SLC1A7: variants seen among roughly 807,000 people sequenced by gnomAD.
SLC1A7 encodes solute carrier family 1 member 7.
Under a neutral mutation model 47.7 loss-of-function variants are expected in SLC1A7, and 40 were observed. That is an observed-to-expected ratio of 0.84 (90% CI 0.65 to 1.09). The LOEUF is 1.09. SLC1A7 is among the 50% of genes least tolerant of loss of function. The pLI, the probability that SLC1A7 is intolerant of heterozygous loss-of-function variation, is 0.00. For synonymous variants in SLC1A7, 323 were observed against 325.6 expected (o/e 0.99, Z 0.09); for missense variants, 746 against 769.5 (o/e 0.97, Z 0.36).
At chr1:53,121,860 T>A (rs1629337) in intron 2 of SLC1A7, among the ~76,000 whole-genome samples, 155 of 152,306 alleles carry the variant, frequency 1.0e-3, no homozygotes, top group African/African-American at 3.7e-3. Flanking sequence ...GTGGGCCCCC[T>A]GCCTGTGGCT....
intron 2 of SLC1A7, among the ~76,000 whole-genome samples, chr1:53,127,471 C>T (rs1644895447): frequency 6.6e-6 from 1 of 152,128 alleles, no homozygotes; most frequent in Non-Finnish European, 1.5e-5. Context: ...GCTCTGGGGA[C>T]AGAGGAAGAG....
At chr1:53,095,636 C>T (rs774472338) in intron 5 of SLC1A7, among the ~76,000 whole-genome samples, 4 of 149,378 alleles carry the variant, frequency 2.7e-5, no homozygotes, top group Non-Finnish European at 4.4e-5. Context: ...CTTAAACCCG[C>T]CTCAGTACAC....
intron 8 of SLC1A7, 81 bp from the exon 9 acceptor site, chr1:53,090,015 A>G (rs1164569556): frequency 1.3e-6 from 2 of 1,503,442 alleles, no homozygotes; most frequent in African/African-American, 1.4e-5. Context: ...GAAGAGGTTG[A>G]GTGTCAGGGC....
chr1:53,122,330 T>C (rs1644835042), intron 2 of SLC1A7, among the ~76,000 whole-genome samples: 1 of 152,188 alleles, frequency 6.6e-6, no homozygotes, highest in South Asian at 2.1e-4. Flanking sequence ...AGCCAAGTCC[T>C]TGGGCTCTGG....
In SLC1A7 at chr1:53,087,742, G is replaced by A. The variant is rs1339923619; in HGVS notation, c.*267C>T. The stretch of plus-strand genomic sequence containing the variant: ...TGGGGCCGGATAACCCCTGCCTGCC[G>A]CCCTCACCGGGCTCACACCGGGGAA... On this transcript the variant is annotated 3_prime_UTR_variant, in exon 11 of 11. Coordinates refer to ENST00000371494, the MANE Select transcript of SLC1A7 (RefSeq NM_006671.6). 3.2e-5 allele frequency: 10 copies of A among 316,798 alleles called. No individual in the cohort carries two copies. Among genetic ancestry groups the A allele is most frequent in the Non-Finnish European group, 5.2e-5 (9 of 172,808 alleles). 19.6% of individuals were successfully genotyped at this position (316,798 alleles called of 1,614,324 possible). A position where few individuals can be genotyped will look rare whatever the true frequency, so the allele number is the denominator to read the frequency against.
chr1:53,129,476 A>G (rs879865622), intron 2 of SLC1A7, among the ~76,000 whole-genome samples: 198 of 117,798 alleles, frequency 1.7e-3, no homozygotes, highest in Middle Eastern at 5.2e-3. Context: ...TGAAGCCACC[A>G]CTGGTCAAGC....
intron 3 of SLC1A7, 161 bp downstream of exon 3, chr1:53,114,597 T>A (rs992034781): frequency 7.9e-5 from 50 of 631,850 alleles, no homozygotes; most frequent in African/African-American, 7.1e-4. Context: ...GGGCAGACGA[T>A]GCAGCATGAG....
At position 53,087,890 on chromosome 1, in the gene SLC1A7, AG is replaced by A; in HGVS notation, c.*118del. ...AAGCGGGGTTAATTCCAGCCTCTCA[AG>A]GGTGAGAAGAATGTGTGATCCTGGC... On this transcript the variant is annotated 3_prime_UTR_variant, in exon 11 of 11. Transcript: ENST00000371494. 1 of 502,694 alleles carries A rather than the reference AG, an allele frequency of 2.0e-6. No homozygotes were observed. The highest frequency in any genetic ancestry group is 3.4e-6 in the Non-Finnish European group (1 of 293,246). The allele number at this position is 502,694 out of a possible 1,614,324, so 31.1% of individuals were successfully genotyped here.
rs566927469 is a variant in SLC1A7 at position 53,101,911 on chromosome 1, T to C, written c.697+1435A>G. 3.3e-5 allele frequency among the ~76,000 whole-genome samples: 5 copies of C among 151,384 alleles called. No individual in the cohort carries two copies. The South Asian group carries it at 1.0e-3, about 32-fold the overall frequency. On this transcript the variant is annotated intron_variant, in intron 5 of 10. Transcript: ENST00000371494. ...GGTACACTCACATGTCCCACCTCAG[T>C]ACACTCACACGCCCTGCCTCGGTAC...
At position 53,090,869 on chromosome 1, in the gene SLC1A7, G is replaced by C. The variant is rs747780029; in HGVS notation, c.1032-63C>G. ...CTCCAGGATGGCTGGGGCCTCTGTC[G>C]GGAAGCTCACCCCTCCCCAGGCAGC... On this transcript the variant is annotated intron_variant, in intron 7 of 10. Transcript: ENST00000371494. 4.1e-5 allele frequency: 64 copies of C among 1,555,962 alleles called. 1 individual carries two copies. The South Asian group carries it at 7.1e-4, about 17-fold the overall frequency.
At chr1:53,124,271 C>G (rs1318424565) in intron 2 of SLC1A7, among the ~76,000 whole-genome samples, 1 of 151,116 alleles carries the variant, frequency 6.6e-6, no homozygotes, top group Non-Finnish European at 1.5e-5. Flanking sequence ...CACACACACA[C>G]ACACACACAC....
intron 2 of SLC1A7, among the ~76,000 whole-genome samples, chr1:53,134,126 C>T (rs746551473): frequency 5.3e-5 from 8 of 152,322 alleles, no homozygotes; most frequent in East Asian, 1.9e-4. Flanking sequence ...TTCCAAATCA[C>T]CTGTTCTATC....
At chr1:53,137,015 A>G (rs11206108) in intron 1 of SLC1A7, among the ~76,000 whole-genome samples, 93,659 of 151,530 alleles carry the variant, frequency 0.62, 29,267 homozygotes, top group Middle Eastern at 0.81. Context: ...AGCCAGGCTC[A>G]GTGGCTTATG....
intron 6 of SLC1A7, 88 bp downstream of exon 6, chr1:53,093,373 C>T: frequency 9.3e-7 from 1 of 1,071,986 alleles, no homozygotes; most frequent in South Asian, 1.4e-5. Context: ...GCTTTCTGCT[C>T]ACTTTACGGG....
intron 4 of SLC1A7, among the ~76,000 whole-genome samples, chr1:53,105,150 A>G (rs895885084): frequency 2.2e-4 from 33 of 152,188 alleles, no homozygotes; most frequent in African/African-American, 8.0e-4. Context: ...CCAGAAATAT[A>G]TCCTCTGCTA....
At chr1:53,099,776 G>GTA (rs1479489279) in intron 5 of SLC1A7, among the ~76,000 whole-genome samples, 1 of 133,888 alleles carries the variant, frequency 7.5e-6, no homozygotes, top group African/African-American at 2.9e-5. Flanking sequence ...CCCTGTCTCA[G>GTA]TACACACACA....
At chr1:53,125,542 C>A (rs572260843) in intron 2 of SLC1A7, among the ~76,000 whole-genome samples, 1 of 152,136 alleles carries the variant, frequency 6.6e-6, no homozygotes, top group Non-Finnish European at 1.5e-5. Context: ...GTCCCCCAGC[C>A]GAGATGGCCT....
In SLC1A7 at chr1:53,092,548, G is replaced by C; in HGVS notation, c.1031+6C>G. 6.2e-7 allele frequency: 1 copy of C among 1,606,588 alleles called. No individual in the cohort carries two copies. Among genetic ancestry groups the C allele is most frequent in the Non-Finnish European group, 8.5e-7 (1 of 1,173,316 alleles). On this transcript the variant is annotated splice_donor_region_variant and intron_variant, in intron 7 of 10. Transcript: ENST00000371494. The stretch of plus-strand genomic sequence containing the variant: ...TCCCCACCGTCCTGCCCGTCCCCGG[G>C]GCTACCTGGAGGAGGTGGCCAGCGC...
At chr1:53,128,644 G>C (rs1448927012) in intron 2 of SLC1A7, among the ~76,000 whole-genome samples, 2 of 142,828 alleles carry the variant, frequency 1.4e-5, no homozygotes, top group African/African-American at 5.2e-5. Flanking sequence ...CACGACTCAG[G>C]TGAAGCAGGG....
Sources: gnomAD v4.1 joint callset for allele counts (sites outside exome capture counted in the v4.1 genomes callset) on GRCh38, gnomAD v4.1.1 for gene constraint, MANE v1.5 for transcripts, NCBI Gene and HGNC (gene_info 2026-07-23, HGNC 2026-07-21) for gene names.